Variants in PLCL2 observed in about 807,000 individuals in gnomAD.
PLCL2 encodes the protein phospholipase C like 2, also known as inactive phospholipase C-like protein 2.
Under a neutral mutation model 79.6 loss-of-function variants are expected in PLCL2, and 4 were observed. The ratio of observed to expected loss-of-function variants is 0.05; its 90% CI spans 0.02 to 0.11. PLCL2 has a LOEUF of 0.11. PLCL2 is among the 10% of genes least tolerant of loss of function. PLCL2 has a pLI of 1.00. For synonymous variants in PLCL2, 484 were observed against 457.7 expected (o/e 1.06, Z -0.73); for missense variants, 895 against 1,291.0 (o/e 0.69, Z 4.70).
At position 17,010,835 on chromosome 3, in the gene PLCL2, C is replaced by G. The variant is rs139403153; in HGVS notation, c.1489C>G (p.Arg497Gly). 8 of 1,614,080 alleles carry G rather than the reference C, an allele frequency of 5.0e-6. No homozygotes were observed. Among genetic ancestry groups the G allele is most frequent in the Non-Finnish European group, 6.8e-6 (8 of 1,179,984 alleles). ...CACCATGACCTCTCAGATAGTTTTC[C>G]GCAGTGTCATTGATATTATTAACAA... is the stretch of plus-strand genomic sequence containing the variant. ...GHTMTSQIVF[R>G]SVIDIINKYA... is the part of the protein sequence containing the mutation. Residue 497 changes from arginine to glycine, a missense_variant, in exon 2 of 6, where the codon CGC becomes GGC. Coordinates refer to ENST00000615277, the MANE Select transcript of PLCL2 (RefSeq NM_001144382.2). The surrounding 1 kb of genome is among the most constrained non-coding windows in gnomAD (Gnocchi z 5.8).
At chr3:16,932,686 A>T (rs1697435490) in intron 1 of PLCL2, among the ~76,000 whole-genome samples, 1 of 152,218 alleles carries the variant, frequency 6.6e-6, no homozygotes, top group African/African-American at 2.4e-5. Flanking sequence ...GATCAGTGCT[A>T]GAAAATACAG....
At chr3:17,012,336 A>G (rs921624115) in intron 2 of PLCL2, among the ~76,000 whole-genome samples, 176 bp downstream of exon 2, 1 of 152,218 alleles carries the variant, frequency 6.6e-6, no homozygotes, top group Non-Finnish European at 1.5e-5. Flanking sequence ...CTAAAGGTAC[A>G]GTTGATGTTG....
In PLCL2 at chr3:16,940,926, G is replaced by A. The variant is rs76346573; in HGVS notation, c.327+55560G>A. On this transcript the variant is annotated intron_variant, in intron 1 of 5. Coordinates refer to ENST00000615277, the MANE Select transcript of PLCL2 (RefSeq NM_001144382.2). Reference sequence around the variant, plus strand: ...ACTTCTACTAAACAGTGCTGTTGCAGTTACTACTGCTGGACCTGCTGCTGC... The same window carrying A: ...ACTTCTACTAAACAGTGCTGTTGCAATTACTACTGCTGGACCTGCTGCTGC... Among the ~76,000 whole-genome samples, 306 of 152,322 alleles carry A rather than the reference G, an allele frequency of 2.0e-3. 1 individual carries two copies. Among genetic ancestry groups the A allele is most frequent in the African/African-American group, 7.0e-3 (289 of 41,576 alleles).
chr3:16,993,118 A>G (rs2064120585), intron 1 of PLCL2, among the ~76,000 whole-genome samples: 1 of 152,198 alleles, frequency 6.6e-6, no homozygotes, highest in Admixed American at 6.5e-5. Context: ...TTATACTTTG[A>G]TTGTACCTGC....
At position 16,972,670 on chromosome 3, in the gene PLCL2, C is replaced by T. The variant is rs140200229; in HGVS notation, c.328-37004C>T. On this transcript the variant is annotated intron_variant, in intron 1 of 5. Coordinates refer to ENST00000615277, the MANE Select transcript of PLCL2 (RefSeq NM_001144382.2). ...TAAGAAATTGCTTTATGAATCTGGG[C>T]GCTCCTGTGTTGGGTGCATATATAT... 2.4e-3 allele frequency among the ~76,000 whole-genome samples: 370 copies of T among 152,120 alleles called. 2 individuals carry two copies. The highest frequency in any genetic ancestry group is 4.2e-3 in the Non-Finnish European group (288 of 67,960).
intron 1 of PLCL2, among the ~76,000 whole-genome samples, chr3:16,934,761 C>G (rs182044047): frequency 2.6e-5 from 4 of 152,172 alleles, no homozygotes; most frequent in Non-Finnish European, 5.9e-5. Flanking sequence ...AAGAAGTAGA[C>G]ACAGAAGAGC....
rs567567213 is a variant in PLCL2 at position 16,971,818 on chromosome 3, A to T, written c.328-37856A>T. On this transcript the variant is annotated intron_variant, in intron 1 of 5. Coordinates refer to ENST00000615277, the MANE Select transcript of PLCL2 (RefSeq NM_001144382.2). ...TTTATTCTCTTTGAAGCAATTGTGA[A>T]TGGGAGTTCACTCATGATTTGGCTC... is the stretch of plus-strand genomic sequence containing the variant. Among the ~76,000 whole-genome samples, 6 of 152,224 alleles carry T rather than the reference A, an allele frequency of 3.9e-5. No individual in the cohort carries two copies. The South Asian group carries it at 1.2e-3, about 32-fold the overall frequency.
intron 1 of PLCL2, among the ~76,000 whole-genome samples, chr3:16,892,075 A>G (rs1696364696): frequency 6.6e-6 from 1 of 152,226 alleles, no homozygotes; most frequent in African/African-American, 2.4e-5. Flanking sequence ...GTATTTGTTG[A>G]ATAAATGTGT....
chr3:16,980,652 C>T (rs1275623456), intron 1 of PLCL2, among the ~76,000 whole-genome samples: 1 of 151,460 alleles, frequency 6.6e-6, no homozygotes, highest in African/African-American at 2.4e-5. Flanking sequence ...ACTTTCCAGA[C>T]TGGGCAGCCA....
intron 1 of PLCL2, among the ~76,000 whole-genome samples, chr3:16,957,926 G>C (rs539805471): frequency 5.5e-4 from 84 of 152,242 alleles, no homozygotes; most frequent in African/African-American, 1.7e-3. Flanking sequence ...GTGTGTCTCT[G>C]CACGTGAGAT....
At chr3:17,081,389 A>T in intron 5 of PLCL2, 1 of 371,478 alleles carries the variant, frequency 2.7e-6, no homozygotes, top group Non-Finnish European at 5.4e-6. Context: ...GGGCAGGGGA[A>T]GTCTTAGCTG....
At chr3:16,940,972 A>G (rs1332572000) in intron 1 of PLCL2, among the ~76,000 whole-genome samples, 1 of 152,192 alleles carries the variant, frequency 6.6e-6, no homozygotes, top group Admixed American at 6.5e-5. Flanking sequence ...GTAGGCCTGC[A>G]GTCCTCTTTA....
At position 16,945,612 on chromosome 3, in the gene PLCL2, C is replaced by G. The variant is rs568041378; in HGVS notation, c.327+60246C>G. On this transcript the variant is annotated intron_variant, in intron 1 of 5. Coordinates refer to ENST00000615277, the MANE Select transcript of PLCL2 (RefSeq NM_001144382.2). The stretch of plus-strand genomic sequence containing the variant: ...GATTTACTATAGTGTGTTGTCTGCC[C>G]CCACCCCAGACTGCAAAGTCCTTGA... Among the ~76,000 whole-genome samples the G allele has an allele frequency of 1.5e-3, 226 of 152,252 alleles. 1 individual carries two copies. The highest frequency in any genetic ancestry group is 4.3e-3 in the Admixed American group (65 of 15,292).
chr3:17,049,018 T>TA (rs762758581), intron 4 of PLCL2, among the ~76,000 whole-genome samples: 99 of 150,974 alleles, frequency 6.6e-4, no homozygotes, highest in Admixed American at 1.9e-3. Context: ...AGGACTGTTC[T>TA]AAAAAAAAAG....
intron 5 of PLCL2, among the ~76,000 whole-genome samples, chr3:17,078,592 A>G (rs925882867): frequency 2.0e-5 from 3 of 152,178 alleles, no homozygotes; most frequent in African/African-American, 7.2e-5. Flanking sequence ...CAAGGCTATC[A>G]ATAAACCCTA....
intron 1 of PLCL2, among the ~76,000 whole-genome samples, chr3:16,940,417 A>G (rs1697650946): frequency 1.3e-5 from 2 of 152,156 alleles, no homozygotes; most frequent in African/African-American, 4.8e-5. Context: ...TGCTTTTGCA[A>G]AGGCCACAAC....
At chr3:17,016,952 C>T (rs888386111) in intron 3 of PLCL2, among the ~76,000 whole-genome samples, 4 of 152,238 alleles carry the variant, frequency 2.6e-5, no homozygotes, top group African/African-American at 7.2e-5. Flanking sequence ...GGTAGTACCC[C>T]GTGGAGGTGA....
intron 1 of PLCL2, among the ~76,000 whole-genome samples, chr3:16,935,873 C>T (rs1463473088): frequency 2.0e-5 from 3 of 152,196 alleles, no homozygotes; most frequent in East Asian, 3.9e-4. Context: ...TGAGAAAGTT[C>T]AGGATCCAGA....
At chr3:17,014,220 T>C (rs2064358751) in intron 2 of PLCL2, among the ~76,000 whole-genome samples, 1 of 152,246 alleles carries the variant, frequency 6.6e-6, no homozygotes, top group African/African-American at 2.4e-5. Context: ...AAAGGTTCTT[T>C]AGATTTTGAG....
Sources: allele counts gnomAD v4.1 joint callset (sites outside exome capture counted in the v4.1 genomes callset), GRCh38; gene constraint gnomAD v4.1.1; non-coding constraint Gnocchi (gnomAD v3.1); transcripts MANE v1.5; gene names NCBI Gene and HGNC (gene_info 2026-07-23, HGNC 2026-07-21).